The following ELMO1 variants were observed in gnomAD, a reference collection of about 807,000 sequenced individuals.
ELMO1 encodes the protein engulfment and cell motility 1.
In ELMO1, 26 loss-of-function variants were observed where a neutral mutation model predicts 98.9. The ratio of observed to expected loss-of-function variants is 0.26; its 90% CI spans 0.19 to 0.36. ELMO1 has a LOEUF of 0.36. ELMO1 is among the 10% of genes least tolerant of loss of function. The pLI is 1.00. For synonymous variants in ELMO1, 346 were observed against 346.0 expected (o/e 1.00, Z 0.00); for missense variants, 627 against 935.2 (o/e 0.67, Z 4.30).
chr7:37,106,185 C>T (rs550606913), intron 14 of ELMO1, among the ~76,000 whole-genome samples: 12 of 152,146 alleles, frequency 7.9e-5, no homozygotes, highest in African/African-American at 1.4e-4. Flanking sequence ...AAACAAGTTG[C>T]GTGCTGTTTA....
intron 1 of ELMO1, among the ~76,000 whole-genome samples, chr7:37,440,635 G>A (rs1227601532): frequency 6.6e-6 from 1 of 151,824 alleles, no homozygotes; most frequent in Non-Finnish European, 1.5e-5. Context: ...CAGGCATGGT[G>A]GTGGGCATCT....
intron 16 of ELMO1, among the ~76,000 whole-genome samples, chr7:36,928,101 TTTTA>T (rs149146082): frequency 1.3e-5 from 2 of 152,074 alleles, no homozygotes; most frequent in Admixed American, 6.5e-5. Context: ...GATTCAAAAG[TTTTA>T]TTTATTTATT....
chr7:37,004,863 C>A (rs1486441905), intron 16 of ELMO1, among the ~76,000 whole-genome samples: 3 of 152,044 alleles, frequency 2.0e-5, no homozygotes, highest in East Asian at 1.9e-4. Context: ...ATAATCCCAG[C>A]ACTTTGGGAG....
chr7:37,272,092 G>T (rs1274709303), intron 4 of ELMO1, among the ~76,000 whole-genome samples: 1 of 152,030 alleles, frequency 6.6e-6, no homozygotes, highest in East Asian at 1.9e-4. Flanking sequence ...AAGGAATATG[G>T]GTCCCAAGTA....
At chr7:37,193,159 G>A (rs1469239249) in intron 13 of ELMO1, among the ~76,000 whole-genome samples, 1 of 151,808 alleles carries the variant, frequency 6.6e-6, no homozygotes, top group Admixed American at 6.6e-5. Flanking sequence ...CGCTGGGTTT[G>A]TATTACCTTG....
chr7:36,901,124 C>A (rs1806474179), intron 16 of ELMO1, among the ~76,000 whole-genome samples: 1 of 152,184 alleles, frequency 6.6e-6, no homozygotes, highest in Non-Finnish European at 1.5e-5. Flanking sequence ...CCCTGGCCTA[C>A]CTCCATATAG....
chr7:37,414,587 A>G (rs1488070752), intron 1 of ELMO1, among the ~76,000 whole-genome samples: 1 of 152,192 alleles, frequency 6.6e-6, no homozygotes, highest in Non-Finnish European at 1.5e-5. Flanking sequence ...CCTGTGGCCA[A>G]CTCCAAAGTC....
rs571648219 is a variant in ELMO1 at position 36,968,433 on chromosome 7, T to C, written c.1437+44866A>G. 1.7e-3 allele frequency among the ~76,000 whole-genome samples: 253 copies of C among 152,350 alleles called. 1 individual carries two copies. Among genetic ancestry groups the C allele is most frequent in the Middle Eastern group, 6.8e-3 (2 of 294 alleles). ...ATGACACTTTGCTTTATGAGCAATG[T>C]ATATATTTTATCCCAAATATATTAT... On this transcript the variant is annotated intron_variant, in intron 16 of 21. Coordinates refer to ENST00000310758, the MANE Select transcript of ELMO1 (RefSeq NM_014800.11).
intron 1 of ELMO1, among the ~76,000 whole-genome samples, chr7:37,408,855 G>C (rs975852286): frequency 1.3e-5 from 2 of 152,148 alleles, no homozygotes; most frequent in African/African-American, 2.4e-5. Context: ...TGTGCATATA[G>C]TTTATGCTAT....
chr7:37,365,820 C>T (rs187245001), intron 1 of ELMO1, among the ~76,000 whole-genome samples: 6 of 152,302 alleles, frequency 3.9e-5, no homozygotes, highest in African/African-American at 7.2e-5. Context: ...TTATCATAAG[C>T]GCCATTCTCC....
At chr7:37,268,909 A>G (rs572258857) in intron 5 of ELMO1, among the ~76,000 whole-genome samples, 58 of 152,350 alleles carry the variant, frequency 3.8e-4, no homozygotes, top group African/African-American at 1.4e-3. Context: ...GCATAGCTAC[A>G]CGTTACATAA....
chr7:36,990,892 A>G (rs1449569857), intron 16 of ELMO1, among the ~76,000 whole-genome samples: 2 of 152,168 alleles, frequency 1.3e-5, no homozygotes, highest in African/African-American at 4.8e-5. Context: ...CTTAACTGAA[A>G]TGAGCACCAT....
chr7:37,001,146 A>C (rs766406479), intron 16 of ELMO1, among the ~76,000 whole-genome samples: 4 of 152,174 alleles, frequency 2.6e-5, no homozygotes, highest in Admixed American at 1.3e-4. Flanking sequence ...TAACTTCCTC[A>C]GAGTATTAGC....
At chr7:37,019,574 T>C (rs576358143) in intron 15 of ELMO1, among the ~76,000 whole-genome samples, 1 of 152,296 alleles carries the variant, frequency 6.6e-6, no homozygotes, top group African/African-American at 2.4e-5. Context: ...AGTCTAAGAA[T>C]AGAGTTCTTA....
rs764481575 is a variant in ELMO1 at position 36,855,730 on chromosome 7, G to A, written c.2005C>T (p.Leu669=). The A allele has an allele frequency of 8.1e-6, 13 of 1,613,908 alleles. No individual in the cohort carries two copies. Among genetic ancestry groups the A allele is most frequent in the Non-Finnish European group, 1.1e-5 (13 of 1,179,960 alleles). The change falls in exon 22 of 22, where the codon CTG becomes TTG. Residue 669 remains leucine, a synonymous_variant. Coordinates refer to ENST00000310758, the MANE Select transcript of ELMO1 (RefSeq NM_014800.11). This position sits in a 1 kb window ranked among gnomAD's most constrained non-coding sequence, Gnocchi z 4.2. The part of the protein sequence containing the change: ...KHEYCIWTDG[L]NALLGKDMMS... ...ATGTCCTTCCCGAGTAGCGCATTCA[G>A]TCCATCCGTCCAGATACAGTACTGG...
rs548184187 is a variant in ELMO1, at chr7:36,954,174, G to A, written c.1437+59125C>T. 2.8e-3 allele frequency among the ~76,000 whole-genome samples: 430 copies of A among 152,234 alleles called. 2 individuals carry two copies. The highest frequency in any genetic ancestry group is 9.9e-3 in the African/African-American group (413 of 41,530). On this transcript the variant is annotated intron_variant, in intron 16 of 21. Transcript: ENST00000310758. The stretch of plus-strand genomic sequence containing the variant: ...ACCCCACACAGCAGGATCTCACAGA[G>A]CCTCAAGCACTTGCTTCATCTTCAC...
chr7:37,144,001 G>A (rs1400388663), intron 13 of ELMO1, among the ~76,000 whole-genome samples: 2 of 151,972 alleles, frequency 1.3e-5, no homozygotes, highest in South Asian at 2.1e-4. Flanking sequence ...GTGAGCCACC[G>A]CGACTGGCCT....
chr7:37,039,562 T>C (rs1435205475), intron 15 of ELMO1, among the ~76,000 whole-genome samples: 1 of 152,224 alleles, frequency 6.6e-6, no homozygotes, highest in Admixed American at 6.5e-5. Context: ...AGTTACAGCA[T>C]CAGAAGGAAG....
At chr7:37,289,696 G>C (rs1395472311) in intron 4 of ELMO1, among the ~76,000 whole-genome samples, 1 of 152,148 alleles carries the variant, frequency 6.6e-6, no homozygotes, top group Non-Finnish European at 1.5e-5. Flanking sequence ...AAACAACCCA[G>C]CAGCACACAC....
Sources: allele counts gnomAD v4.1 joint callset (sites outside exome capture counted in the v4.1 genomes callset), GRCh38; gene constraint gnomAD v4.1.1; non-coding constraint Gnocchi (gnomAD v3.1); transcripts MANE v1.5; gene names NCBI Gene and HGNC (gene_info 2026-07-23, HGNC 2026-07-21).